Variants in HIPK3 observed in about 807,000 individuals in gnomAD.
The protein encoded by HIPK3 is homeodomain-interacting protein kinase 3.
Under a neutral mutation model 124.2 loss-of-function variants are expected in HIPK3, and 47 were observed. That is an observed-to-expected ratio of 0.38 (90% CI 0.30 to 0.48). The LOEUF (loss-of-function observed/expected upper bound fraction) is 0.48, where lower values mean the gene tolerates loss of function less well. HIPK3 is among the 20% of genes least tolerant of loss of function. The probability of loss-of-function intolerance (pLI) is 0.98; values close to 1 mark genes in which losing one functional copy is unlikely to be tolerated. For synonymous variants in HIPK3, 482 were observed against 515.2 expected (o/e 0.94, Z 0.87); for missense variants, 1,286 against 1,454.3 (o/e 0.88, Z 1.88).
At chr11:33,294,876 C>T (rs759165263) in intron 2 of HIPK3, among the ~76,000 whole-genome samples, 2 of 152,008 alleles carry the variant, frequency 1.3e-5, no homozygotes, top group Non-Finnish European at 2.9e-5. Context: ...CTTTTTTTCT[C>T]GTGCAGAATT....
rs1014877178 is a variant in HIPK3, at chr11:33,257,404, C to G, written c.-488C>G. On this transcript the variant is annotated 5_prime_UTR_variant, in exon 1 of 17. Coordinates refer to ENST00000303296, the MANE Select transcript of HIPK3 (RefSeq NM_005734.5). ...CTGGTGGCAGCTGCCTCAGTGACGA[C>G]TGCCGGCATCGCGGCGACCTGAGGA... 1.2e-5 allele frequency: 12 copies of G among 985,080 alleles called. No homozygotes were observed. The highest frequency in any genetic ancestry group is 1.2e-5 in the Non-Finnish European group (10 of 829,818). 61.0% of individuals were successfully genotyped at this position (985,080 alleles called of 1,614,324 possible).
chr11:33,345,247 A>G (rs1232529835), intron 8 of HIPK3, among the ~76,000 whole-genome samples: 1 of 152,152 alleles, frequency 6.6e-6, no homozygotes, highest in Admixed American at 6.5e-5. Flanking sequence ...AAAATTATTT[A>G]GTGACCTGAA....
chr11:33,257,743 G>C lies in HIPK3; in HGVS notation c.-149G>C, dbSNP rs1460325697. ...TCAGCCGCCAGGACAAGATGGCAGC[G>C]GCCGCGGAGAGGGGCTGAGCCCGGG... On this transcript the variant is annotated 5_prime_UTR_variant, in exon 1 of 17. Coordinates refer to ENST00000303296, the MANE Select transcript of HIPK3 (RefSeq NM_005734.5). 2 of 988,556 alleles carry C rather than the reference G, an allele frequency of 2.0e-6. No individual in the cohort carries two copies. The highest frequency in any genetic ancestry group is 2.4e-6 in the Non-Finnish European group (2 of 832,186). The allele number at this position is 988,556 out of a possible 1,614,324, so 61.2% of individuals were successfully genotyped here. A position where few individuals can be genotyped will look rare whatever the true frequency, so the allele number is the denominator to read the frequency against.
chr11:33,297,292 C>T (rs1851867760), intron 2 of HIPK3, among the ~76,000 whole-genome samples: 1 of 152,110 alleles, frequency 6.6e-6, no homozygotes, highest in Admixed American at 6.5e-5. Flanking sequence ...CGGGGCTTCG[C>T]CATGTTGGCC....
intron 2 of HIPK3, among the ~76,000 whole-genome samples, chr11:33,297,285 G>T (rs1249610490): frequency 6.6e-6 from 1 of 152,006 alleles, no homozygotes; most frequent in African/African-American, 2.4e-5. Context: ...GTAGAGACGG[G>T]GCTTCGCCAT....
At chr11:33,349,603 G>A (rs1409234952) in intron 14 of HIPK3, among the ~76,000 whole-genome samples, 4 of 152,028 alleles carry the variant, frequency 2.6e-5, no homozygotes, top group South Asian at 4.1e-4. Flanking sequence ...TGCGCACAGC[G>A]ATGCTCGGCT....
Position 33,257,831 on chromosome 11 carries a change from C to G in HIPK3, c.-61C>G. 1 of 986,164 alleles carries G rather than the reference C, an allele frequency of 1.0e-6. No individual in the cohort carries two copies. Among genetic ancestry groups the G allele is most frequent in the Non-Finnish European group, 1.2e-6 (1 of 830,536 alleles). 61.1% of individuals were successfully genotyped at this position (986,164 alleles called of 1,614,324 possible). A position where few individuals can be genotyped will look rare whatever the true frequency, so the allele number is the denominator to read the frequency against. On this transcript the variant is annotated 5_prime_UTR_variant, in exon 1 of 17. Transcript: ENST00000303296. ...TCCCCGGCACGGCCCTGCGCCCCAC[C>G]CCGGACATGCTCAGGGCTGCGGCCG...
intron 2 of HIPK3, among the ~76,000 whole-genome samples, chr11:33,302,156 A>G (rs917143038): frequency 1.3e-4 from 20 of 152,234 alleles, no homozygotes; most frequent in Middle Eastern, 3.4e-3. Context: ...CCAGAATTCT[A>G]TGATTCCTGT....
intron 14 of HIPK3, among the ~76,000 whole-genome samples, chr11:33,351,008 AGTGGTT>A (rs1853642036): frequency 6.6e-6 from 1 of 152,174 alleles, no homozygotes. Context: ...GTATGGAATG[AGTGGTT>A]GAAACAGACA....
chr11:33,337,059 G>A lies in HIPK3; in HGVS notation c.1222-16G>A, dbSNP rs769396395. ...ATGAAAGAATAAACTATTCTGTTCTGTAAATTATTTTTCAGATTCGATACA... is the reference window on the plus strand; with the variant it reads ...ATGAAAGAATAAACTATTCTGTTCTATAAATTATTTTTCAGATTCGATACA... On this transcript the variant is annotated splice_polypyrimidine_tract_variant and intron_variant, in intron 3 of 16. Coordinates refer to ENST00000303296, the MANE Select transcript of HIPK3 (RefSeq NM_005734.5). 2.9e-5 allele frequency: 46 copies of A among 1,580,394 alleles called. No homozygotes were observed. Among genetic ancestry groups the A allele is most frequent in the Admixed American group, 1.1e-4 (6 of 56,350 alleles).
chr11:33,287,289 G>A lies in HIPK3; in HGVS notation c.875G>A (p.Ser292Asn). 1 of 1,613,998 alleles carries A rather than the reference G, an allele frequency of 6.2e-7. No individual in the cohort carries two copies. The highest frequency in any genetic ancestry group is 8.5e-7 in the Non-Finnish European group (1 of 1,179,994). ...LYDFLKQNKFSPLPLKVIRPI... is the reference protein window; with the variant it reads ...LYDFLKQNKFNPLPLKVIRPI... Reference sequence around the variant, plus strand: ...GACTTTCTGAAACAAAATAAATTTAGTCCCCTGCCACTAAAAGTGATTCGG... The same window carrying A: ...GACTTTCTGAAACAAAATAAATTTAATCCCCTGCCACTAAAAGTGATTCGG... Residue 292 changes from serine to asparagine, a missense_variant, in exon 2 of 17, where the codon AGT (serine) becomes AAT (asparagine). This residue lies in a region of HIPK3 where 251 missense variants were observed against 349.1 expected (regional missense o/e 0.72). Transcript: ENST00000303296.
chr11:33,335,693 G>A (rs1420080052), intron 3 of HIPK3: 1 of 152,010 alleles, frequency 6.6e-6, no homozygotes, highest in Non-Finnish European at 1.5e-5. Context: ...ATTTGGTGGG[G>A]AGAGAGCTCA....
chr11:33,299,862 A>G (rs1213327776), intron 2 of HIPK3, among the ~76,000 whole-genome samples: 1 of 150,918 alleles, frequency 6.6e-6, no homozygotes, highest in African/African-American at 2.4e-5. Flanking sequence ...CATCTCTACA[A>G]AAACACAAAA....
At chr11:33,313,392 T>C (rs1442454722) in intron 2 of HIPK3, among the ~76,000 whole-genome samples, 1 of 152,210 alleles carries the variant, frequency 6.6e-6, no homozygotes, top group Non-Finnish European at 1.5e-5. Context: ...TTTTGACAAA[T>C]ATACTGTAGC....
At chr11:33,306,030 GGCTGGAAGCACATAACTTTAAA>G (rs1852148768) in intron 2 of HIPK3, among the ~76,000 whole-genome samples, 1 of 151,984 alleles carries the variant, frequency 6.6e-6, no homozygotes, top group South Asian at 2.1e-4. Flanking sequence ...TACTGTACCC[GGCTGGAAGCACATAACTTTAAA>G]GCTGAAGATA....
intron 3 of HIPK3, among the ~76,000 whole-genome samples, chr11:33,330,877 TTTTTTCTTTTTC>T (rs891343859): frequency 2.0e-5 from 3 of 151,892 alleles, no homozygotes; most frequent in South Asian, 2.1e-4. Flanking sequence ...TATGTTTTTC[TTTTTTCTTTTTC>T]TTTTTCTTTT....
At chr11:33,265,687 T>G (rs1850935346) in intron 1 of HIPK3, among the ~76,000 whole-genome samples, 1 of 146,562 alleles carries the variant, frequency 6.8e-6, no homozygotes, top group Non-Finnish European at 1.5e-5. Context: ...GGTGCGAGAT[T>G]ACTTGAGCCC....
intron 2 of HIPK3, among the ~76,000 whole-genome samples, chr11:33,314,651 A>G (rs888341114): frequency 1.3e-5 from 2 of 152,146 alleles, no homozygotes; most frequent in Admixed American, 1.3e-4. Context: ...GAGAGACTCC[A>G]TCTCACACAC....
chr11:33,273,712 G>C (rs1381074002), intron 1 of HIPK3, among the ~76,000 whole-genome samples: 1 of 151,940 alleles, frequency 6.6e-6, no homozygotes, highest in Non-Finnish European at 1.5e-5. Flanking sequence ...AATAGAATTT[G>C]GAAAATAGAA....
Sources: allele counts gnomAD v4.1 joint callset (sites outside exome capture counted in the v4.1 genomes callset), GRCh38; gene constraint gnomAD v4.1.1; regional missense constraint gnomAD v4.1.1; transcripts MANE v1.5; gene names NCBI Gene and HGNC (gene_info 2026-07-23, HGNC 2026-07-21).